The following LIMCH1 variants were observed in gnomAD, a reference collection of about 807,000 sequenced individuals.
The protein encoded by LIMCH1 is LIM and calponin homology domains-containing protein 1.
A neutral mutation model predicts 176.5 loss-of-function variants in LIMCH1; 113 were observed. That is an observed-to-expected ratio of 0.64 (90% CI 0.55 to 0.75). The LOEUF is 0.75. Ranked by LOEUF, LIMCH1 falls within the 30% of genes least tolerant of loss-of-function variation. The pLI, the probability that LIMCH1 is intolerant of heterozygous loss-of-function variation, is 0.00. For missense variants in LIMCH1, 1,674 were observed against 1,814.9 expected, an observed-to-expected ratio of 0.92 and a Z score of 1.41; for synonymous variants, 619 against 645.9, an observed-to-expected ratio of 0.96 and a Z score of 0.63.
chr4:41,459,538 G>A (rs930353930), intron 1 of LIMCH1, among the ~76,000 whole-genome samples: 128 of 152,192 alleles, frequency 8.4e-4, no homozygotes, highest in Admixed American at 2.0e-3. Context: ...CTGGGCTCAA[G>A]CAGTCCTCCT....
chr4:41,514,237 C>G (rs2075322814), intron 2 of LIMCH1, among the ~76,000 whole-genome samples: 1 of 152,046 alleles, frequency 6.6e-6, no homozygotes, highest in African/African-American at 2.4e-5. Context: ...ACAGAGAGGA[C>G]TAACCCTTTG....
rs749460792 is a variant in LIMCH1 at position 41,360,856 on chromosome 4, C to T, written c.16C>T (p.Leu6Phe). 6.4e-7 allele frequency: 1 copy of T among 1,568,754 alleles called. No homozygotes were observed. Among genetic ancestry groups the T allele is most frequent in the South Asian group, 1.2e-5 (1 of 85,322 alleles). Residue 6 changes from leucine to phenylalanine, a missense_variant, in exon 1 of 27, where the codon CTC (leucine) becomes TTC (phenylalanine). Transcript: ENST00000313860. The surrounding 1 kb of genome is among the most constrained non-coding windows in gnomAD (Gnocchi z 4.5). ...GGCTGCGCAAATGGCTTGTCCCGCT[C>T]TCGGTCTGGAAGCTCTTCAGCCCCT...
At chr4:41,426,112 C>T (rs1051212230) in intron 1 of LIMCH1, among the ~76,000 whole-genome samples, 1 of 148,098 alleles carries the variant, frequency 6.8e-6, no homozygotes, top group Non-Finnish European at 1.5e-5. Context: ...AGTTCCGCCT[C>T]CCGGGTTCAC....
upstream of LIMCH1, among the ~76,000 whole-genome samples, chr4:41,536,470 G>C (rs2077961767): frequency 6.6e-6 from 1 of 152,104 alleles, no homozygotes; most frequent in South Asian, 2.1e-4. Flanking sequence ...TTTCTGAGTA[G>C]TTTGATATCT....
At chr4:41,615,929 G>A (rs955940825) in intron 5 of LIMCH1, among the ~76,000 whole-genome samples, 1 of 152,108 alleles carries the variant, frequency 6.6e-6, no homozygotes, top group African/African-American at 2.4e-5. Context: ...CTGTGGGTTG[G>A]ACACAGAGCT....
In LIMCH1 at chr4:41,633,811, C is replaced by T. The variant is rs2093446375; in HGVS notation, c.2090+3C>T. On this transcript the variant is annotated splice_donor_region_variant and intron_variant, in intron 13 of 31. Coordinates refer to ENST00000503057, the MANE Select transcript of LIMCH1 (RefSeq NM_001330672.2). Reference sequence around the variant, plus strand: ...GGTCTACCCATGAAAGATCAGAGGTCAGAAAGTTATTCTGTGCCCTTGTGA... The same window carrying T: ...GGTCTACCCATGAAAGATCAGAGGTTAGAAAGTTATTCTGTGCCCTTGTGA... 1.3e-6 allele frequency: 2 copies of T among 1,535,100 alleles called. No homozygotes were observed. The highest frequency in any genetic ancestry group is 2.4e-5 in the South Asian group (2 of 84,010).
intron 1 of LIMCH1, among the ~76,000 whole-genome samples, chr4:41,464,357 CT>C (rs1561453288): frequency 6.7e-6 from 1 of 150,224 alleles, no homozygotes; most frequent in African/African-American, 2.5e-5. Context: ...TTTCTTTTTC[CT>C]TTTCTTTTTT....
At chr4:41,583,894 G>A (rs73146376) in intron 1 of LIMCH1, among the ~76,000 whole-genome samples, 10,053 of 151,726 alleles carry the variant, frequency 0.066, 1,067 homozygotes, top group African/African-American at 0.23. Context: ...TGAAATTTCC[G>A]AATACCGAAA....
chr4:41,436,892 G>C (rs1272838737), intron 1 of LIMCH1, among the ~76,000 whole-genome samples: 4 of 152,154 alleles, frequency 2.6e-5, no homozygotes, highest in African/African-American at 9.7e-5. Flanking sequence ...TGTGTGAAAG[G>C]TGAATCCTTG....
intron 7 of LIMCH1, among the ~76,000 whole-genome samples, chr4:41,622,962 T>A (rs954983710): frequency 6.6e-6 from 1 of 152,112 alleles, no homozygotes; most frequent in African/African-American, 2.4e-5. Context: ...CACCCAGAAT[T>A]CATTTGTTAG....
chr4:41,478,491 A>G (rs913823332), intron 1 of LIMCH1, among the ~76,000 whole-genome samples: 4 of 152,218 alleles, frequency 2.6e-5, no homozygotes, highest in African/African-American at 4.8e-5. Flanking sequence ...GGTGAATTCT[A>G]TTAGTTTCCT....
intron 2 of LIMCH1, among the ~76,000 whole-genome samples, chr4:41,512,538 G>A (rs942593721): frequency 2.0e-5 from 3 of 152,024 alleles, no homozygotes; most frequent in Non-Finnish European, 4.4e-5. Flanking sequence ...GATCAAATGT[G>A]GTATATCCTT....
At chr4:41,465,379 G>T (rs2065964044) in intron 1 of LIMCH1, among the ~76,000 whole-genome samples, 2 of 152,158 alleles carry the variant, frequency 1.3e-5, no homozygotes, top group African/African-American at 4.8e-5. Flanking sequence ...CAGCACACCA[G>T]TGAGGTCCAA....
intron 2 of LIMCH1, among the ~76,000 whole-genome samples, chr4:41,600,514 T>C (rs1483989177): frequency 6.6e-6 from 1 of 152,006 alleles, no homozygotes; most frequent in African/African-American, 2.4e-5. Context: ...AGAGCCACTT[T>C]AAATCAGTAT....
At chr4:41,662,276 T>C (rs964193006) in intron 19 of LIMCH1, among the ~76,000 whole-genome samples, 8 of 152,206 alleles carry the variant, frequency 5.3e-5, no homozygotes, top group African/African-American at 1.9e-4. Context: ...AGGTAGTGAC[T>C]TTTCCACCCC....
chr4:41,690,355 A>G (rs1257298162), intron 30 of LIMCH1, among the ~76,000 whole-genome samples: 1 of 152,240 alleles, frequency 6.6e-6, no homozygotes, highest in African/African-American at 2.4e-5. Context: ...TAAACTGAAA[A>G]TGAGGAGTTC....
intron 14 of LIMCH1, among the ~76,000 whole-genome samples, chr4:41,639,330 CTTAGAGTTAACAATGAGGT>C (rs975882335): frequency 2.6e-5 from 4 of 152,168 alleles, no homozygotes; most frequent in African/African-American, 9.7e-5. Flanking sequence ...TATGTTGGGG[CTTAGAGTTAACAATGAGGT>C]AGTCATTCCC....
rs2060428020 is a variant in LIMCH1 at position 41,419,701 on chromosome 4, T to TTCCTTCCTTCCTTCCTTCC, written c.96+58775_96+58793dup. Among the ~76,000 whole-genome samples the TTCCTTCCTTCCTTCCTTCC allele has an allele frequency of 5.1e-5, 5 of 97,378 alleles. 1 individual carries two copies. The highest frequency in any genetic ancestry group is 7.9e-4 in the South Asian group (2 of 2,522). The allele number at this position is 97,378 out of a possible 152,430, so 63.9% of individuals were successfully genotyped here. ...CCTTCCTCCTTCCTTCCTTCCTTCC[T>TTCCTTCCTTCCTTCCTTCC]TCCTTCCTTCCTTCCTTCCTCCTTC... On this transcript the variant is annotated intron_variant, in intron 1 of 26. Transcript: ENST00000313860.
At chr4:41,576,515 G>A (rs991108866) in intron 1 of LIMCH1, among the ~76,000 whole-genome samples, 2 of 152,144 alleles carry the variant, frequency 1.3e-5, no homozygotes, top group Middle Eastern at 3.2e-3. Context: ...TTTCATTGCA[G>A]CATTTTTGTG....
Sources: allele counts gnomAD v4.1 joint callset (sites outside exome capture counted in the v4.1 genomes callset), GRCh38; gene constraint gnomAD v4.1.1; non-coding constraint Gnocchi (gnomAD v3.1); transcripts MANE v1.5; gene names NCBI Gene and HGNC (gene_info 2026-07-23, HGNC 2026-07-21).